PTPRD: variants seen among roughly 807,000 people sequenced by gnomAD.
The protein encoded by PTPRD is receptor-type tyrosine-protein phosphatase delta.
Under a neutral mutation model 214.5 loss-of-function variants are expected in PTPRD, and 34 were observed. The observed-to-expected ratio is 0.16, with a 90% confidence interval of 0.12 to 0.21. The LOEUF (loss-of-function observed/expected upper bound fraction) is 0.21. Among genes scored for constraint, PTPRD ranks in the 10% least tolerant of loss-of-function variants. The pLI, the probability that PTPRD is intolerant of heterozygous loss-of-function variation, is 1.00. For missense variants in PTPRD, 2,545 were observed against 2,398.7 expected (o/e 1.06, Z -1.27); for synonymous variants, 1,128 against 845.7 (o/e 1.33, Z -5.79).
chr9:8,436,023 T>A (rs1409504975), intron 35 of PTPRD, among the ~76,000 whole-genome samples: 1 of 152,356 alleles, frequency 6.6e-6, no homozygotes, highest in South Asian at 2.1e-4. Flanking sequence ...AGGATTCTTA[T>A]CACAAATCAG....
intron 7 of PTPRD, among the ~76,000 whole-genome samples, chr9:9,683,990 G>A (rs181054263): frequency 5.9e-4 from 89 of 151,656 alleles, no homozygotes; most frequent in African/African-American, 2.1e-3. Context: ...CTCTGAAAAT[G>A]ACAGTGAGGG....
chr9:9,686,364 G>A (rs180804328), intron 7 of PTPRD, among the ~76,000 whole-genome samples: 347 of 150,988 alleles, frequency 2.3e-3, no homozygotes, highest in African/African-American at 7.9e-3. Context: ...TTTCAATTAC[G>A]CACTTCAACA....
intron 9 of PTPRD, among the ~76,000 whole-genome samples, chr9:9,338,817 T>C (rs544476478): frequency 6.6e-5 from 10 of 152,236 alleles, no homozygotes; most frequent in African/African-American, 2.4e-4. Context: ...ACATTAGGTA[T>C]TTCTCCTAAT....
intron 5 of PTPRD, among the ~76,000 whole-genome samples, chr9:9,814,107 T>C (rs760407381): frequency 6.6e-6 from 1 of 152,146 alleles, no homozygotes; most frequent in Non-Finnish European, 1.5e-5. Flanking sequence ...CTTTCCATGA[T>C]AAAACTCTGA....
At chr9:9,655,126 C>T (rs1483552280) in intron 7 of PTPRD, among the ~76,000 whole-genome samples, 1 of 151,980 alleles carries the variant, frequency 6.6e-6, no homozygotes, top group Non-Finnish European at 1.5e-5. Context: ...TATCATAACA[C>T]ACACCTTGTT....
At position 8,485,278 on chromosome 9, in the gene PTPRD, C is replaced by G. The variant is rs2135861844; in HGVS notation, c.3102G>C (p.Val1034=). Residue 1034 remains valine (V), a synonymous_variant, in exon 29 of 46, where the codon GTG becomes GTC. Coordinates refer to ENST00000381196, the MANE Select transcript of PTPRD (RefSeq NM_002839.4). ...TCTCTGGAATCTCCCAAGACAGCAA[C>G]ACGGAAGTCTTCATTACTGCTTTGA... ...FHVKAVMKTS[V]LLSWEIPENY... 6.2e-7 allele frequency: 1 copy of G among 1,614,132 alleles called. No individual in the cohort carries two copies. The highest frequency in any genetic ancestry group is 1.1e-5 in the South Asian group (1 of 91,080).
At chr9:9,460,235 A>C (rs373188179) in intron 8 of PTPRD, among the ~76,000 whole-genome samples, 7 of 152,286 alleles carry the variant, frequency 4.6e-5, no homozygotes, top group African/African-American at 1.4e-4. Flanking sequence ...AACCATTAAA[A>C]ATCCTAGAAT....
intron 11 of PTPRD, among the ~76,000 whole-genome samples, chr9:8,740,524 T>C (rs1169655388): frequency 6.6e-6 from 1 of 152,182 alleles, no homozygotes; most frequent in Non-Finnish European, 1.5e-5. Context: ...AAAATATTAC[T>C]GAGAAAAGGG....
At chr9:9,331,985 T>C (rs2042482272) in intron 9 of PTPRD, among the ~76,000 whole-genome samples, 1 of 152,056 alleles carries the variant, frequency 6.6e-6, no homozygotes. Flanking sequence ...TCTTTTTCTC[T>C]ATCAATGGGA....
chr9:9,492,216 A>T (rs2095940837), intron 8 of PTPRD, among the ~76,000 whole-genome samples: 1 of 151,688 alleles, frequency 6.6e-6, no homozygotes, highest in Admixed American at 6.6e-5. Flanking sequence ...ATATGAATAG[A>T]CCTATAACTA....
intron 2 of PTPRD, among the ~76,000 whole-genome samples, chr9:10,521,404 G>C (rs2052226046): frequency 6.6e-6 from 1 of 152,164 alleles, no homozygotes; most frequent in Non-Finnish European, 1.5e-5. Flanking sequence ...GTGGTTTCTT[G>C]AGGTGGGATC....
chr9:10,252,103 T>C (rs1388627005), intron 3 of PTPRD, among the ~76,000 whole-genome samples: 1 of 152,184 alleles, frequency 6.6e-6, no homozygotes, highest in Non-Finnish European at 1.5e-5. Flanking sequence ...CACAGATATA[T>C]ACAATTACTA....
rs73644409 is a variant in PTPRD at position 10,295,944 on chromosome 9, T to A, written c.-545+45019A>T. Among the ~76,000 whole-genome samples, 1,518 of 152,152 alleles carry A rather than the reference T, an allele frequency of 1.0e-2. 28 individuals are homozygous for A. Among genetic ancestry groups the A allele is most frequent in the African/African-American group, 0.034 (1,433 of 41,540 alleles). ...TCAGATCTCAGACTAACTGTCCACA[T>A]TGACCAAGAGAATAATCTTCATTTT... On this transcript the variant is annotated intron_variant, in intron 3 of 45. Transcript: ENST00000381196.
chr9:10,144,960 C>T (rs940447825), intron 3 of PTPRD, among the ~76,000 whole-genome samples: 8 of 151,700 alleles, frequency 5.3e-5, no homozygotes, highest in Admixed American at 6.6e-5. Context: ...TAAGACTTGC[C>T]GGCCCACCTC....
intron 34 of PTPRD, among the ~76,000 whole-genome samples, chr9:8,443,513 C>G (rs1042853472): frequency 6.6e-5 from 10 of 152,106 alleles, no homozygotes; most frequent in African/African-American, 2.4e-4. Flanking sequence ...TTTTCACAGC[C>G]CATCAATCAC....
intron 2 of PTPRD, among the ~76,000 whole-genome samples, chr9:10,341,472 G>C (rs1259041542): frequency 1.3e-5 from 2 of 151,884 alleles, no homozygotes; most frequent in Admixed American, 6.6e-5. Flanking sequence ...AGAGTGATCA[G>C]ACATTAATGT....
rs963326912 is a variant in PTPRD, at chr9:9,629,151, G to A, written c.-286-54370C>T. ...ATCACGCCATTGCACTCCAGCCTGG[G>A]TGACAGAGCGAGACTCTGTGAAAAA... On this transcript the variant is annotated intron_variant, in intron 7 of 45. Coordinates refer to ENST00000381196, the MANE Select transcript of PTPRD (RefSeq NM_002839.4). Among the ~76,000 whole-genome samples the A allele has an allele frequency of 5.9e-5, 9 of 151,440 alleles. No homozygotes were observed. The East Asian group carries it at 1.7e-3, about 29-fold the overall frequency.
intron 3 of PTPRD, among the ~76,000 whole-genome samples, chr9:10,338,126 T>C (rs543197915): frequency 4.0e-5 from 6 of 151,774 alleles, no homozygotes; most frequent in African/African-American, 1.4e-4. Context: ...AAAGATTATA[T>C]ATGGAATACC....
intron 2 of PTPRD, among the ~76,000 whole-genome samples, chr9:10,370,924 A>C (rs1317771591): frequency 1.3e-5 from 2 of 151,988 alleles, no homozygotes; most frequent in Non-Finnish European, 1.5e-5. Flanking sequence ...TAAACATGTG[A>C]TCTTTGCCTG....
Sources: gnomAD v4.1 joint callset for allele counts (sites outside exome capture counted in the v4.1 genomes callset) on GRCh38, gnomAD v4.1.1 for gene constraint, MANE v1.5 for transcripts, NCBI Gene and HGNC (gene_info 2026-07-23, HGNC 2026-07-21) for gene names.